KLHL29: variants seen among roughly 807,000 people sequenced by gnomAD.
KLHL29 encodes kelch like family member 29.
Under a neutral mutation model 80.4 loss-of-function variants are expected in KLHL29, and 21 were observed. The ratio of observed to expected loss-of-function variants is 0.26; its 90% CI spans 0.19 to 0.38. The LOEUF (loss-of-function observed/expected upper bound fraction) is 0.38. Ranked by LOEUF, KLHL29 falls within the 10% of genes least tolerant of loss-of-function variation. KLHL29 has a pLI of 1.00. For missense variants in KLHL29, 867 were observed against 1,223.9 expected, an observed-to-expected ratio of 0.71 and a Z score of 4.35; for synonymous variants, 511 against 526.8, an observed-to-expected ratio of 0.97 and a Z score of 0.41.
At chr2:23,395,564 G>A (rs1666432449) in intron 1 of KLHL29, among the ~76,000 whole-genome samples, 1 of 152,108 alleles carries the variant, frequency 6.6e-6, no homozygotes, top group South Asian at 2.1e-4. Flanking sequence ...CATCAACATG[G>A]TGAAACCCGG....
intron 3 of KLHL29, chr2:23,616,741 C>G (rs1669016753): frequency 6.6e-6 from 1 of 152,204 alleles, no homozygotes; most frequent in South Asian, 2.1e-4. Flanking sequence ...AGTCTAGTGA[C>G]CTGTCCAAGG....
At chr2:23,397,020 A>C (rs1471516364) in intron 1 of KLHL29, among the ~76,000 whole-genome samples, 5 of 152,026 alleles carry the variant, frequency 3.3e-5, no homozygotes, top group African/African-American at 1.2e-4. Flanking sequence ...CAGGTGTCTG[A>C]CAAGGTCTGC....
chr2:23,576,122 T>C (rs1003096365), intron 3 of KLHL29, among the ~76,000 whole-genome samples: 8 of 152,060 alleles, frequency 5.3e-5, no homozygotes, highest in African/African-American at 1.9e-4. Flanking sequence ...CTGACCAACA[T>C]AGTGAAACGC....
At chr2:23,439,853 T>C (rs1373873285) in intron 1 of KLHL29, among the ~76,000 whole-genome samples, 1 of 152,010 alleles carries the variant, frequency 6.6e-6, no homozygotes, top group Non-Finnish European at 1.5e-5. Context: ...TGAGTACAAT[T>C]CCTGGGTATC....
rs1217422868 is a variant in KLHL29 at position 23,597,309 on chromosome 2, A to ATGTGTGTGTGTGTGTG, written c.285+34850_285+34865dup. Among the ~76,000 whole-genome samples, 601 of 100,464 alleles carry ATGTGTGTGTGTGTGTG rather than the reference A, an allele frequency of 6.0e-3. 11 individuals are homozygous for ATGTGTGTGTGTGTGTG. Among genetic ancestry groups the ATGTGTGTGTGTGTGTG allele is most frequent in the African/African-American group, 0.021 (513 of 24,516 alleles). 65.9% of individuals were successfully genotyped at this position (100,464 alleles called of 152,430 possible). A position where few individuals can be genotyped will look rare whatever the true frequency, so the allele number is the denominator to read the frequency against. Reference sequence around the variant, plus strand: ...CTCTCTCTCTCTCATATATATATATATGTGTGTGTGTGTGTGTGTGTGTGT... The same window carrying ATGTGTGTGTGTGTGTG: ...CTCTCTCTCTCTCATATATATATATATGTGTGTGTGTGTGTGTGTGTGTGTGTGTGTGTGTGTGTGT... On this transcript the variant is annotated intron_variant, in intron 3 of 13. Coordinates refer to ENST00000486442, the MANE Select transcript of KLHL29 (RefSeq NM_052920.2).
At position 23,446,448 on chromosome 2, in the gene KLHL29, C is replaced by T. The variant is rs572070090; in HGVS notation, c.-153-29112C>T. On this transcript the variant is annotated intron_variant, in intron 1 of 13. Transcript: ENST00000486442. The stretch of plus-strand genomic sequence containing the variant: ...TCTTCCATAGTCGAGAGCCAGCCCA[C>T]CCCAAGATGGTGAAAGCCCAAAACT... Among the ~76,000 whole-genome samples the T allele has an allele frequency of 2.4e-3, 365 of 152,268 alleles. 1 individual carries two copies. Among genetic ancestry groups the T allele is most frequent in the Middle Eastern group, 6.8e-3 (2 of 294 alleles).
At chr2:23,541,470 G>A (rs1666833967) in intron 2 of KLHL29, among the ~76,000 whole-genome samples, 1 of 152,210 alleles carries the variant, frequency 6.6e-6, no homozygotes, top group Non-Finnish European at 1.5e-5. Context: ...GCTCCTTGAG[G>A]GCAGTCCTCA....
intron 3 of KLHL29, among the ~76,000 whole-genome samples, chr2:23,628,433 A>G (rs635182): frequency 0.8 from 121,901 of 151,968 alleles, 49,173 homozygotes; most frequent in East Asian, 1. Context: ...TAAAGAGCCC[A>G]CTTCTTCCCC....
intron 2 of KLHL29, among the ~76,000 whole-genome samples, chr2:23,492,640 G>A (rs942592271): frequency 3.3e-5 from 5 of 152,208 alleles, no homozygotes; most frequent in Admixed American, 3.3e-4. Flanking sequence ...TCTGGGGCTG[G>A]GTCCTTTAGC....
chr2:23,674,582 C>T (rs981129431), intron 5 of KLHL29, among the ~76,000 whole-genome samples: 3 of 152,198 alleles, frequency 2.0e-5, no homozygotes, highest in African/African-American at 4.8e-5. Context: ...GAGCCTACCT[C>T]CAGTGGAAAA....
At chr2:23,454,798 T>TC (rs1254822261) in intron 1 of KLHL29, among the ~76,000 whole-genome samples, 1 of 151,982 alleles carries the variant, frequency 6.6e-6, no homozygotes, top group Non-Finnish European at 1.5e-5. Flanking sequence ...CAATGATTTT[T>TC]TTTTAAATTT....
rs1449095868 is a variant in KLHL29 at position 23,700,444 on chromosome 2, T to C, written c.2106-2742T>C. Among the ~76,000 whole-genome samples, 1 of 152,204 alleles carries C rather than the reference T, an allele frequency of 6.6e-6. No individual in the cohort carries two copies. The highest frequency in any genetic ancestry group is 1.5e-5 in the Non-Finnish European group (1 of 68,044). ...AGGTTATATATGCCTATTGCGCCTC[T>C]CCAGGGAGGAGATTCCAGAGAATGG... On this transcript the variant is annotated intron_variant, in intron 11 of 13. Coordinates refer to ENST00000486442, the MANE Select transcript of KLHL29 (RefSeq NM_052920.2). The surrounding 1 kb of genome is among the most constrained non-coding windows in gnomAD (Gnocchi z 4.6).
At chr2:23,423,115 G>C (rs552161032) in intron 1 of KLHL29, among the ~76,000 whole-genome samples, 1 of 152,396 alleles carries the variant, frequency 6.6e-6, no homozygotes, top group Non-Finnish European at 1.5e-5. Flanking sequence ...GGACAGTGGG[G>C]TTGGCGGGCC....
At chr2:23,635,211 C>T (rs1204647809) in intron 3 of KLHL29, among the ~76,000 whole-genome samples, 6 of 152,354 alleles carry the variant, frequency 3.9e-5, no homozygotes, top group South Asian at 2.1e-4. Flanking sequence ...GTCGCAGACT[C>T]GTGGGTACAC....
At chr2:23,636,867 G>A (rs1468745543) in intron 3 of KLHL29, among the ~76,000 whole-genome samples, 1 of 152,162 alleles carries the variant, frequency 6.6e-6, no homozygotes, top group Non-Finnish European at 1.5e-5. Flanking sequence ...CCAAACTCGA[G>A]GAGACCCCAA....
At position 23,562,376 on chromosome 2, in the gene KLHL29, C is replaced by T. The variant is rs1253956223; in HGVS notation, c.180C>T (p.Pro60=). The change falls in exon 3 of 14, where the codon CCC becomes CCT. Residue 60 remains proline (P), a synonymous_variant. Transcript: ENST00000486442. The surrounding 1 kb of genome is among the most constrained non-coding windows in gnomAD (Gnocchi z 4.5). ...RPGLLPLPVV[P]SRLPTPATAP... is the part of the protein sequence containing the mutation. ...GCCTCCTGCCGCTGCCCGTGGTGCC[C>T]TCCCGGCTGCCCACCCCGGCTACAG... is the stretch of plus-strand genomic sequence containing the variant. The T allele has an allele frequency of 1.3e-6, 2 of 1,540,514 alleles. No homozygotes were observed. The highest frequency in any genetic ancestry group is 1.7e-6 in the Non-Finnish European group (2 of 1,145,762).
intron 2 of KLHL29, among the ~76,000 whole-genome samples, chr2:23,525,388 T>C (rs530309713): frequency 1.9e-4 from 29 of 152,392 alleles, no homozygotes; most frequent in Non-Finnish European, 4.0e-4. Context: ...CTTCAGACCA[T>C]GACATTTCTG....
At chr2:23,406,207 G>T (rs1666724146) in intron 1 of KLHL29, among the ~76,000 whole-genome samples, 1 of 151,146 alleles carries the variant, frequency 6.6e-6, no homozygotes, top group Admixed American at 6.6e-5. Flanking sequence ...GGGCACCTGT[G>T]ATCTCAGCTA....
At chr2:23,594,594 C>G (rs996487656) in intron 3 of KLHL29, among the ~76,000 whole-genome samples, 2 of 152,212 alleles carry the variant, frequency 1.3e-5, no homozygotes, top group African/African-American at 2.4e-5. Context: ...GATTGAAATT[C>G]TTTCTCCTGG....
Sources: gnomAD v4.1 joint callset for allele counts (sites outside exome capture counted in the v4.1 genomes callset) on GRCh38, gnomAD v4.1.1 for gene constraint, Gnocchi (gnomAD v3.1) non-coding constraint, MANE v1.5 for transcripts, NCBI Gene and HGNC (gene_info 2026-07-23, HGNC 2026-07-21) for gene names.